TECTA: variants seen among roughly 807,000 people sequenced by gnomAD.
TECTA encodes alpha-tectorin.
Under a neutral mutation model 216.8 loss-of-function variants are expected in TECTA, and 128 were observed. The ratio of observed to expected loss-of-function variants is 0.59; its 90% CI spans 0.51 to 0.68. TECTA has a LOEUF of 0.68. Ranked by LOEUF, TECTA falls within the 30% of genes least tolerant of loss-of-function variation. The probability of loss-of-function intolerance (pLI) is 0.00; values close to 1 mark genes in which losing one functional copy is unlikely to be tolerated. For synonymous variants in TECTA, 1,089 were observed against 1,117.1 expected (o/e 0.97, Z 0.50); for missense variants, 2,551 against 2,786.2 (o/e 0.92, Z 1.90).
chr11:121,118,733 A>G lies in TECTA; in HGVS notation c.1203+15A>G, dbSNP rs532912235. 24 of 1,612,964 alleles carry G rather than the reference A, an allele frequency of 1.5e-5. No individual in the cohort carries two copies. The highest frequency in any genetic ancestry group is 5.5e-5 in the South Asian group (5 of 91,010). On this transcript the variant is annotated intron_variant, in intron 7 of 23. Coordinates refer to ENST00000392793, the MANE Select transcript of TECTA (RefSeq NM_005422.4). ...GAAGAGTCAAGGTGAGCCCCTTTCT[A>G]TCCTTCACGGGGAAATGGAGAAGCT...
At position 121,125,911 on chromosome 11, in the gene TECTA, T is replaced by A. The variant is rs774500858; in HGVS notation, c.1774+39T>A. 8.1e-6 allele frequency: 13 copies of A among 1,596,316 alleles called. No individual in the cohort carries two copies. The South Asian group carries it at 1.4e-4, about 18-fold the overall frequency. On this transcript the variant is annotated intron_variant, in intron 8 of 23. Coordinates refer to ENST00000392793, the MANE Select transcript of TECTA (RefSeq NM_005422.4). ...CCATCCCCATGACAGGTCTCTCTTG[T>A]GCAGGGGGCAGGGATAGGCTTTGGG...
In TECTA at chr11:121,101,494, C is replaced by G. The variant is rs1478053009; in HGVS notation, c.-2+52C>G. 2.0e-5 allele frequency: 3 copies of G among 152,314 alleles called. 1 individual carries two copies. Among genetic ancestry groups the G allele is most frequent in the African/African-American group, 2.4e-5 (1 of 41,580 alleles). 9.4% of individuals were successfully genotyped at this position (152,314 alleles called of 1,614,324 possible). A position where few individuals can be genotyped will look rare whatever the true frequency, so the allele number is the denominator to read the frequency against. ...ATATCTAAATGAATCCTCCTTACTT[C>G]TCTCTGAACCGGTTCCCTAAGGGCT... On this transcript the variant is annotated intron_variant, in intron 1 of 23. Transcript: ENST00000392793.
rs756034372 is a variant in TECTA, at chr11:121,130,071, C to T, written c.2801C>T (p.Ala934Val). Residue 934 changes from alanine to valine, a missense_variant, in exon 10 of 24, where the codon GCC (alanine) becomes GTC (valine). Ala to Val is a moderately conservative substitution (Grantham distance 64, BLOSUM62 0). Coordinates refer to ENST00000392793, the MANE Select transcript of TECTA (RefSeq NM_005422.4). Reference sequence around the variant, plus strand: ...TGCCATGGGGTGGTGAACGTCACTGCCTATTACCGCACCTGCCTTTTCCGC... The same window carrying T: ...TGCCATGGGGTGGTGAACGTCACTGTCTATTACCGCACCTGCCTTTTCCGC... ...LECHGVVNVT[A>V]YYRTCLFRLC... is the part of the protein sequence containing the mutation. The T allele has an allele frequency of 1.9e-6, 3 of 1,614,110 alleles. No homozygotes were observed. Among genetic ancestry groups the T allele is most frequent in the Admixed American group, 1.7e-5 (1 of 60,024 alleles).
At chr11:121,180,687 T>C (rs1947218375) in intron 20 of TECTA, among the ~76,000 whole-genome samples, 1 of 152,170 alleles carries the variant, frequency 6.6e-6, no homozygotes, top group African/African-American at 2.4e-5. Flanking sequence ...TCAGCTATTA[T>C]TTCATTAAAT....
intron 13 of TECTA, among the ~76,000 whole-genome samples, chr11:121,156,602 C>A (rs1318293968): frequency 6.6e-6 from 1 of 152,006 alleles, no homozygotes. Context: ...CCTCAGCCTC[C>A]CAAAGTGCTG....
chr11:121,168,141 A>G lies in TECTA; in HGVS notation c.5674A>G (p.Ile1892Val), dbSNP rs1254285669. The change falls in exon 19 of 24, where the codon ATC becomes GTC. Residue 1892 changes from isoleucine (I) to valine (V), a missense_variant. Physicochemically the swap from Ile to Val is conservative, Grantham distance 29. Around this residue, in one of 3 missense-constraint regions of TECTA, gnomAD observed 2,375 missense variants for 2,563.9 expected, o/e 0.93. Transcript: ENST00000392793. ...CAACATCATCACCAGGGACCGCACG[A>G]TCAATGTGGAATTTTCATGTGCTTA... ...TGNIITRDRT[I>V]NVEFSCAYEL... is the part of the protein sequence containing the mutation. The G allele has an allele frequency of 3.7e-6, 6 of 1,614,082 alleles. No homozygotes were observed. The highest frequency in any genetic ancestry group is 4.2e-6 in the Non-Finnish European group (5 of 1,180,022).
Position 121,127,892 on chromosome 11 carries a change from C to T in TECTA, c.1915C>T (p.Leu639Phe), listed in dbSNP as rs1591444097. 6 of 1,614,100 alleles carry T rather than the reference C, an allele frequency of 3.7e-6. No homozygotes were observed. The highest frequency in any genetic ancestry group is 5.1e-6 in the Non-Finnish European group (6 of 1,180,026). ...EGCECNQGFV[L>F]STSQCVPLHK... ...CTGCGAGTGCAACCAGGGCTTCGTC[C>T]TCAGCACCAGCCAGTGCGTCCCTCT... Residue 639 changes from leucine (L) to phenylalanine (F), a missense_variant, in exon 9 of 24, where the codon CTC becomes TTC. Coordinates refer to ENST00000392793, the MANE Select transcript of TECTA (RefSeq NM_005422.4). This position sits in a 1 kb window ranked among gnomAD's most constrained non-coding sequence, Gnocchi z 5.0.
intron 4 of TECTA, among the ~76,000 whole-genome samples, chr11:121,111,562 G>C (rs1565517505): frequency 6.6e-6 from 1 of 152,206 alleles, no homozygotes; most frequent in South Asian, 2.1e-4. Flanking sequence ...GGTTGGTTTA[G>C]AGGTGACTTC....
At chr11:121,147,078 G>GT (rs1279667603) in intron 12 of TECTA, among the ~76,000 whole-genome samples, 1 of 152,076 alleles carries the variant, frequency 6.6e-6, no homozygotes, top group Non-Finnish European at 1.5e-5. Context: ...GGAAAAACTT[G>GT]TGGGGGTGGG....
intron 20 of TECTA, among the ~76,000 whole-genome samples, chr11:121,180,977 C>T (rs1947222576): frequency 1.3e-5 from 2 of 151,984 alleles, no homozygotes; most frequent in Non-Finnish European, 1.5e-5. Context: ...ACCATCCTGG[C>T]TAACACAGTG....
chr11:121,188,617 C>T (rs12279811), intron 21 of TECTA, among the ~76,000 whole-genome samples: 40,846 of 152,106 alleles, frequency 0.27, 6,914 homozygotes, highest in African/African-American at 0.47. Flanking sequence ...CCACCACTTA[C>T]GGGCTGGGTC....
chr11:121,187,269 G>T (rs1947297142), intron 20 of TECTA, among the ~76,000 whole-genome samples: 1 of 152,130 alleles, frequency 6.6e-6, no homozygotes, highest in East Asian at 1.9e-4. Flanking sequence ...GGCTGGGGTT[G>T]TCTCTTGGCT....
intron 11 of TECTA, 47 bp from the exon 12 acceptor site, chr11:121,145,508 A>G: frequency 2.5e-6 from 4 of 1,602,632 alleles, no homozygotes; most frequent in Non-Finnish European, 2.6e-6. Context: ...AGAGCTGGGA[A>G]ATCTCTGGGC....
chr11:121,174,746 G>A (rs1947147847), intron 20 of TECTA, among the ~76,000 whole-genome samples: 1 of 152,100 alleles, frequency 6.6e-6, no homozygotes, highest in African/African-American at 2.4e-5. Flanking sequence ...CTATTGATTG[G>A]AATAGTTTCA....
Position 121,105,907 on chromosome 11 carries a change from T to C in TECTA, c.141T>C (p.Ser47=), listed in dbSNP as rs1444318259. The change falls in exon 3 of 24, where the codon TCT becomes TCC. Residue 47 remains serine (S), a synonymous_variant. Transcript: ENST00000392793. This position sits in a 1 kb window ranked among gnomAD's most constrained non-coding sequence, Gnocchi z 5.3. ...CTAAAGTAGATGATGGAAGCTCATC[T>C]GAGATTAAGTTGGCCATCCCAGTTT... The part of the protein sequence containing the change: ...KTPKVDDGSS[S]EIKLAIPVFF... 6.2e-7 allele frequency: 1 copy of C among 1,613,982 alleles called. No homozygotes were observed. Among genetic ancestry groups the C allele is most frequent in the East Asian group, 2.2e-5 (1 of 44,886 alleles).
chr11:121,101,468 A>G (rs1946346409), intron 1 of TECTA, 26 bp downstream of exon 1: 1 of 152,174 alleles, frequency 6.6e-6, no homozygotes, highest in Non-Finnish European at 1.5e-5. Flanking sequence ...CATAAATACA[A>G]ATATCTAAAT....
chr11:121,177,838 G>A (rs1342315933), intron 20 of TECTA, among the ~76,000 whole-genome samples: 8 of 152,344 alleles, frequency 5.3e-5, no homozygotes, highest in African/African-American at 1.9e-4. Flanking sequence ...CACCCAGTTC[G>A]AGCTTCCCGG....
chr11:121,106,293 T>C (rs1946389740), intron 3 of TECTA, among the ~76,000 whole-genome samples: 1 of 152,178 alleles, frequency 6.6e-6, no homozygotes, highest in Non-Finnish European at 1.5e-5. Flanking sequence ...TGAACCACAG[T>C]AGGAGCAATA....
intron 15 of TECTA, among the ~76,000 whole-genome samples, chr11:121,161,586 A>G (rs1194161828): frequency 4.1e-4 from 1 of 2,428 alleles, no homozygotes; most frequent in South Asian, 0.015. Context: ...CTTTTTAAAT[A>G]AACTATTATC....
Sources: allele counts gnomAD v4.1 joint callset (sites outside exome capture counted in the v4.1 genomes callset), GRCh38; gene constraint gnomAD v4.1.1; regional missense constraint gnomAD v4.1.1; non-coding constraint Gnocchi (gnomAD v3.1); transcripts MANE v1.5; gene names NCBI Gene and HGNC (gene_info 2026-07-23, HGNC 2026-07-21).